The following SHISA6 variants were observed in gnomAD, a reference collection of about 807,000 sequenced individuals.
The protein encoded by SHISA6 is shisa family member 6, also known as protein shisa-6.
In SHISA6, 22 loss-of-function variants were observed where a neutral mutation model predicts 47.9. That is an observed-to-expected ratio of 0.46 (90% CI 0.33 to 0.66). The LOEUF (loss-of-function observed/expected upper bound fraction) is 0.66, where lower values mean the gene tolerates loss of function less well. Ranked by LOEUF, SHISA6 falls within the 30% of genes least tolerant of loss-of-function variation. The probability of loss-of-function intolerance (pLI) is 0.02; values close to 1 mark genes in which losing one functional copy is unlikely to be tolerated. For missense variants in SHISA6, 680 were observed against 764.6 expected, an observed-to-expected ratio of 0.89 and a Z score of 1.30; for synonymous variants, 388 against 337.8, an observed-to-expected ratio of 1.15 and a Z score of -1.63.
intron 2 of SHISA6, among the ~76,000 whole-genome samples, chr17:11,285,229 A>T (rs562122144): frequency 6.6e-6 from 1 of 152,336 alleles, no homozygotes; most frequent in East Asian, 1.9e-4. Context: ...AGTTGTTAGA[A>T]GTCTGAGTTG....
At chr17:11,260,448 T>A (rs1908187448) in intron 1 of SHISA6, among the ~76,000 whole-genome samples, 2 of 152,064 alleles carry the variant, frequency 1.3e-5, no homozygotes, top group Non-Finnish European at 2.9e-5. Context: ...CAGCCTGTCG[T>A]GTCCCGAGTC....
chr17:11,552,540 A>G (rs1434670232), intron 4 of SHISA6, among the ~76,000 whole-genome samples: 6 of 152,332 alleles, frequency 3.9e-5, no homozygotes, highest in African/African-American at 1.4e-4. Flanking sequence ...TATTTTTGGC[A>G]CCTGCTCAAG....
intron 2 of SHISA6, among the ~76,000 whole-genome samples, chr17:11,376,749 A>C (rs1032980028): frequency 1.3e-5 from 2 of 152,172 alleles, no homozygotes; most frequent in Non-Finnish European, 2.9e-5. Flanking sequence ...AGACTGACCT[A>C]TCACTGGTCC....
intron 3 of SHISA6, among the ~76,000 whole-genome samples, chr17:11,534,800 A>G (rs779601635): frequency 1.3e-5 from 2 of 152,124 alleles, no homozygotes; most frequent in Non-Finnish European, 2.9e-5. Context: ...AACTCAGTGG[A>G]AAGATCAATA....
At chr17:11,318,499 T>C (rs1056323869) in intron 2 of SHISA6, among the ~76,000 whole-genome samples, 1 of 152,174 alleles carries the variant, frequency 6.6e-6, no homozygotes, top group Non-Finnish European at 1.5e-5. Flanking sequence ...TCTTTCAATG[T>C]GAGCCTGTCC....
At position 11,562,175 on chromosome 17, in the gene SHISA6, A is replaced by C. The variant is rs1220268051; in HGVS notation, c.*3871A>C. 1 of 152,034 alleles carries C rather than the reference A, an allele frequency of 6.6e-6. No homozygotes were observed. Among genetic ancestry groups the C allele is most frequent in the Non-Finnish European group, 1.5e-5 (1 of 68,042 alleles). The allele number at this position is 152,034 out of a possible 1,614,324, so 9.4% of individuals were successfully genotyped here. The stretch of plus-strand genomic sequence containing the variant: ...GACTTGAGGGCCTCCTGAGTCTCCA[A>C]GCATGGAGGAATATCCATGCCAACA... On this transcript the variant is annotated 3_prime_UTR_variant, in exon 6 of 6. Coordinates refer to ENST00000441885, the MANE Select transcript of SHISA6 (RefSeq NM_207386.4).
intron 3 of SHISA6, among the ~76,000 whole-genome samples, chr17:11,405,871 C>T (rs557979610): frequency 4.6e-5 from 7 of 152,092 alleles, no homozygotes; most frequent in African/African-American, 1.2e-4. Context: ...ACACCAGAGT[C>T]GGTCTGTGAT....
intron 3 of SHISA6, among the ~76,000 whole-genome samples, chr17:11,454,078 T>C (rs1412216055): frequency 6.6e-6 from 1 of 152,226 alleles, no homozygotes. Context: ...TGTTGGCTTA[T>C]ATAAACCAAT....
chr17:11,325,068 C>G (rs952001501), intron 2 of SHISA6, among the ~76,000 whole-genome samples: 2 of 152,188 alleles, frequency 1.3e-5, no homozygotes, highest in East Asian at 1.9e-4. Flanking sequence ...CTGTGAAAAT[C>G]ATTCTGAGAA....
In SHISA6 at chr17:11,241,967, G is replaced by C; in HGVS notation, c.545G>C (p.Cys182Ser). ...ACCAACTTCACCGTCTACATCACCT[G>C]CGGGGTGATCGCCTTCGTCATCGTG... ...DKTNFTVYIT[C>S]GVIAFVIVAG... Residue 182 changes from cysteine (C) to serine (S), a missense_variant, in exon 1 of 6, where the codon TGC becomes TCC. Cys to Ser is a moderately radical substitution (Grantham distance 112). Transcript: ENST00000441885. This position sits in a 1 kb window ranked among gnomAD's most constrained non-coding sequence, Gnocchi z 5.5. 6.4e-7 allele frequency: 1 copy of C among 1,550,932 alleles called. No homozygotes were observed. The highest frequency in any genetic ancestry group is 8.7e-7 in the Non-Finnish European group (1 of 1,147,014).
chr17:11,314,615 A>G (rs1910445383), intron 2 of SHISA6, among the ~76,000 whole-genome samples: 1 of 150,250 alleles, frequency 6.7e-6, no homozygotes, highest in South Asian at 2.1e-4. Context: ...GGCTCACTGC[A>G]ACCTCCGTCT....
intron 3 of SHISA6, among the ~76,000 whole-genome samples, chr17:11,488,901 G>C (rs1916412188): frequency 6.6e-6 from 1 of 152,302 alleles, no homozygotes; most frequent in East Asian, 1.9e-4. Context: ...AGAAAAATCA[G>C]GGTACTATGC....
rs117855829 is a variant in SHISA6 at position 11,370,224 on chromosome 17, G to A, written c.800-9190G>A. 7.6e-3 allele frequency among the ~76,000 whole-genome samples: 1,157 copies of A among 152,182 alleles called. 15 individuals are homozygous for A. The highest frequency in any genetic ancestry group is 1.0e-2 in the Non-Finnish European group (678 of 67,998). The stretch of plus-strand genomic sequence containing the variant: ...AATAGTTAGGATACATGAGAGGTAT[G>A]GTTTTCAAACACTGTATTTTTAGCC... On this transcript the variant is annotated intron_variant, in intron 2 of 5. Coordinates refer to ENST00000441885, the MANE Select transcript of SHISA6 (RefSeq NM_207386.4).
In SHISA6 at chr17:11,485,890, C is replaced by T. The variant is rs193162377; in HGVS notation, c.896-66006C>T. Among the ~76,000 whole-genome samples the T allele has an allele frequency of 8.5e-5, 13 of 152,222 alleles. No individual in the cohort carries two copies. The East Asian group carries it at 2.3e-3, about 27-fold the overall frequency. ...ACCCCACCTTCCAAGCAAATTCCAT[C>T]CCAGCGCTGTTGATTTCTGTCTTGC... is the stretch of plus-strand genomic sequence containing the variant. On this transcript the variant is annotated intron_variant, in intron 3 of 5. Coordinates refer to ENST00000441885, the MANE Select transcript of SHISA6 (RefSeq NM_207386.4).
Position 11,245,814 on chromosome 17 carries a change from T to A in SHISA6, c.638+3754T>A, listed in dbSNP as rs533196775. Among the ~76,000 whole-genome samples, 10 of 152,098 alleles carry A rather than the reference T, an allele frequency of 6.6e-5. No homozygotes were observed. In the South Asian group the frequency reaches 2.1e-3, roughly 32 times the overall value. ...AGGTGGATATCAACAGGAAAAAGTA[T>A]TAGGAGGTGACCCCTTCATCTTGGG... On this transcript the variant is annotated intron_variant, in intron 1 of 5. Coordinates refer to ENST00000441885, the MANE Select transcript of SHISA6 (RefSeq NM_207386.4).
intron 3 of SHISA6, among the ~76,000 whole-genome samples, chr17:11,475,294 A>T (rs934390231): frequency 1.3e-5 from 2 of 151,894 alleles, no homozygotes; most frequent in Admixed American, 6.6e-5. Context: ...GTCTTATTCC[A>T]TTAATTGTAT....
intron 3 of SHISA6, among the ~76,000 whole-genome samples, chr17:11,391,547 A>AT (rs1913387127): frequency 1.3e-5 from 2 of 152,042 alleles, no homozygotes; most frequent in African/African-American, 4.8e-5. Context: ...CTACAAACTG[A>AT]TGTTCAACTC....
intron 3 of SHISA6, among the ~76,000 whole-genome samples, chr17:11,527,233 C>G (rs902395915): frequency 1.7e-4 from 26 of 152,066 alleles, no homozygotes; most frequent in Admixed American, 1.5e-3. Flanking sequence ...ATAAAGAGCT[C>G]TGTAATATGT....
At chr17:11,370,923 C>G (rs16944649) in intron 2 of SHISA6, among the ~76,000 whole-genome samples, 1,880 of 152,260 alleles carry the variant, frequency 0.012, 33 homozygotes, top group African/African-American at 0.042. Flanking sequence ...CAATGGTCCC[C>G]TTTGTTTCCG....
Sources: allele counts gnomAD v4.1 joint callset (sites outside exome capture counted in the v4.1 genomes callset), GRCh38; gene constraint gnomAD v4.1.1; non-coding constraint Gnocchi (gnomAD v3.1); transcripts MANE v1.5; gene names NCBI Gene and HGNC (gene_info 2026-07-23, HGNC 2026-07-21).